The following NFXL1 variants were observed in gnomAD, a reference collection of about 807,000 sequenced individuals.
NFXL1 encodes the protein nuclear transcription factor, X-box binding like 1, also known as NF-X1-type zinc finger protein NFXL1.
NFXL1 carries 66 observed loss-of-function variants against 123.3 expected under a neutral mutation model. That is an observed-to-expected ratio of 0.54 (90% CI 0.44 to 0.66). The LOEUF (loss-of-function observed/expected upper bound fraction) is 0.66. Ranked by LOEUF, NFXL1 falls within the 30% of genes least tolerant of loss-of-function variation. NFXL1 has a pLI of 0.00. For missense variants in NFXL1, 944 were observed against 1,125.6 expected, an observed-to-expected ratio of 0.84 and a Z score of 2.31; for synonymous variants, 346 against 360.8, an observed-to-expected ratio of 0.96 and a Z score of 0.46.
chr4:47,850,377 C>G, intron 22 of NFXL1, among the ~76,000 whole-genome samples: 1 of 152,062 alleles, frequency 6.6e-6, no homozygotes, highest in East Asian at 1.9e-4. Context: ...TCATGCAAAT[C>G]ACGCAAGTTT....
chr4:47,890,301 T>G (rs1184382927), intron 12 of NFXL1, among the ~76,000 whole-genome samples: 1 of 152,098 alleles, frequency 6.6e-6, no homozygotes, highest in Non-Finnish European at 1.5e-5. Context: ...AAAAATTATG[T>G]GGGGAAAGTC....
At chr4:47,862,043 T>G (rs1204890808) in intron 19 of NFXL1, among the ~76,000 whole-genome samples, 2 of 152,188 alleles carry the variant, frequency 1.3e-5, no homozygotes, top group African/African-American at 4.8e-5. Flanking sequence ...TTTTTAAATG[T>G]CTACCCAAAT....
intron 19 of NFXL1, among the ~76,000 whole-genome samples, chr4:47,861,888 T>C (rs2110043499): frequency 6.6e-6 from 1 of 152,366 alleles, no homozygotes; most frequent in Middle Eastern, 3.4e-3. Context: ...GTTTTATACT[T>C]AATCAAAGAC....
chr4:47,866,008 T>C (rs1735048139), intron 18 of NFXL1, among the ~76,000 whole-genome samples: 1 of 151,786 alleles, frequency 6.6e-6, no homozygotes, highest in Non-Finnish European at 1.5e-5. Flanking sequence ...GAGAGACACC[T>C]TGTCTCAAAA....
chr4:47,871,453 A>C (rs988397944), intron 18 of NFXL1, among the ~76,000 whole-genome samples: 1 of 152,172 alleles, frequency 6.6e-6, no homozygotes, highest in Non-Finnish European at 1.5e-5. Context: ...TTAAATGGTC[A>C]AGGGTTTCAT....
chr4:47,866,763 T>C (rs1735103344), intron 18 of NFXL1, among the ~76,000 whole-genome samples: 1 of 152,212 alleles, frequency 6.6e-6, no homozygotes, highest in Non-Finnish European at 1.5e-5. Flanking sequence ...CAGCTGACTA[T>C]GTCTAAACTG....
At chr4:47,865,488 GAAA>G (rs56109844) in intron 18 of NFXL1, among the ~76,000 whole-genome samples, 2 of 127,210 alleles carry the variant, frequency 1.6e-5, no homozygotes, top group Non-Finnish European at 3.3e-5. Context: ...CTATAACTAG[GAAA>G]AAAAAAAAAA....
chr4:47,908,823 C>T (rs1423228981), intron 3 of NFXL1, among the ~76,000 whole-genome samples: 3 of 151,684 alleles, frequency 2.0e-5, no homozygotes, highest in Non-Finnish European at 2.9e-5. Context: ...GGCATGGTGG[C>T]GGGCACCTGT....
intron 4 of NFXL1, among the ~76,000 whole-genome samples, 174 bp downstream of exon 4, chr4:47,905,063 G>A (rs951185459): frequency 2.0e-5 from 3 of 151,716 alleles, no homozygotes; most frequent in Admixed American, 6.6e-5. Context: ...CTCATTTAGT[G>A]GTAATTTTTT....
chr4:47,855,032 G>T, intron 20 of NFXL1, 27 bp downstream of exon 20: 2 of 965,858 alleles, frequency 2.1e-6, no homozygotes, highest in Non-Finnish European at 1.5e-6. Flanking sequence ...ATATAGAAAA[G>T]TATTTTCAAT....
intron 15 of NFXL1, among the ~76,000 whole-genome samples, chr4:47,882,024 A>G (rs1184067229): frequency 6.6e-6 from 1 of 152,166 alleles, no homozygotes; most frequent in African/African-American, 2.4e-5. Flanking sequence ...AGTAAATCCT[A>G]ATGTAATCTG....
At chr4:47,878,944 T>A in intron 16 of NFXL1, 152 bp downstream of exon 16, 1 of 539,870 alleles carries the variant, frequency 1.9e-6, no homozygotes, top group Non-Finnish European at 3.3e-6. Context: ...GCACTACATA[T>A]TTTTTAAATT....
chr4:47,901,462 G>A (rs1737351508), intron 5 of NFXL1, among the ~76,000 whole-genome samples: 1 of 151,966 alleles, frequency 6.6e-6, no homozygotes, highest in African/African-American at 2.4e-5. Flanking sequence ...AAGAGCGAGG[G>A]TAAAAAAATA....
At chr4:47,894,897 A>C (rs187817971) in intron 10 of NFXL1, among the ~76,000 whole-genome samples, 1 of 152,228 alleles carries the variant, frequency 6.6e-6, no homozygotes. Flanking sequence ...CATCAGAGGA[A>C]TCACTATCTA....
At chr4:47,852,967 T>C (rs533225235) in intron 20 of NFXL1, among the ~76,000 whole-genome samples, 5 of 146,308 alleles carry the variant, frequency 3.4e-5, no homozygotes, top group Admixed American at 1.4e-4. Flanking sequence ...CTTGGAGGGT[T>C]TTTTTTTTTT....
chr4:47,899,282 G>A (rs1737260750), intron 6 of NFXL1, 88 bp downstream of exon 6: 3 of 1,333,716 alleles, frequency 2.2e-6, no homozygotes, highest in Non-Finnish European at 3.1e-6. Context: ...ACTAAACTGT[G>A]AATTCAACTT....
intron 11 of NFXL1, among the ~76,000 whole-genome samples, chr4:47,893,004 CT>C (rs1463538536): frequency 3.9e-4 from 59 of 152,078 alleles, no homozygotes; most frequent in African/African-American, 1.4e-3. Context: ...CATGAACATG[CT>C]AAGGAGAAAC....
intron 18 of NFXL1, among the ~76,000 whole-genome samples, chr4:47,874,786 T>C (rs1735644883): frequency 6.6e-6 from 1 of 152,232 alleles, no homozygotes. Flanking sequence ...TGTGCCTGTA[T>C]GTACAAGTCA....
chr4:47,850,365 A>C (rs1197860937), intron 22 of NFXL1, among the ~76,000 whole-genome samples: 2 of 152,124 alleles, frequency 1.3e-5, no homozygotes, highest in Non-Finnish European at 2.9e-5. Flanking sequence ...GAATTTCCTT[A>C]TTCATGCAAA....
Sources: gnomAD v4.1 joint callset for allele counts (sites outside exome capture counted in the v4.1 genomes callset) on GRCh38, gnomAD v4.1.1 for gene constraint, MANE v1.5 for transcripts, NCBI Gene and HGNC (gene_info 2026-07-23, HGNC 2026-07-21) for gene names.